CCDC141: variants seen among roughly 807,000 people sequenced by gnomAD.
CCDC141 encodes coiled-coil domain-containing protein 141.
CCDC141 carries 168 observed loss-of-function variants against 181.0 expected under a neutral mutation model. That is an observed-to-expected ratio of 0.93 (90% CI 0.82 to 1.05). The LOEUF (loss-of-function observed/expected upper bound fraction) is 1.05, where lower values mean the gene tolerates loss of function less well. Ranked by LOEUF, CCDC141 falls within the 50% of genes least tolerant of loss-of-function variation. The pLI is 0.00. For synonymous variants in CCDC141, 666 were observed against 642.3 expected (o/e 1.04, Z -0.56); for missense variants, 1,902 against 1,788.5 (o/e 1.06, Z -1.14).
At chr2:179,037,315 G>T (rs2043171562) in intron 2 of CCDC141, among the ~76,000 whole-genome samples, 1 of 152,132 alleles carries the variant, frequency 6.6e-6, no homozygotes, top group South Asian at 2.1e-4. Flanking sequence ...TGAAGGCGTG[G>T]GTCAACAGGA....
intron 20 of CCDC141, among the ~76,000 whole-genome samples, chr2:178,852,656 G>T (rs759710939): frequency 1.3e-5 from 2 of 152,184 alleles, no homozygotes; most frequent in Non-Finnish European, 2.9e-5. Flanking sequence ...GCAGCCATGG[G>T]CAGGCAAATT....
intron 2 of CCDC141, among the ~76,000 whole-genome samples, chr2:178,980,188 G>C (rs1453389318): frequency 6.6e-6 from 1 of 152,152 alleles, no homozygotes; most frequent in Non-Finnish European, 1.5e-5. Context: ...CATTCCTGTA[G>C]AGAAACATCA....
intron 2 of CCDC141, among the ~76,000 whole-genome samples, chr2:179,027,077 T>C (rs968122359): frequency 3.9e-5 from 6 of 152,194 alleles, no homozygotes; most frequent in African/African-American, 1.4e-4. Flanking sequence ...CTGTGGACTT[T>C]TGAGTTAATA....
At chr2:178,926,814 A>C (rs992466325) in intron 6 of CCDC141, 1 of 152,200 alleles carries the variant, frequency 6.6e-6, no homozygotes, top group African/African-American at 2.4e-5. Flanking sequence ...AGAAATGATA[A>C]ATGTTTGAGA....
At chr2:178,979,539 C>CT (rs1359523184) in intron 2 of CCDC141, among the ~76,000 whole-genome samples, 4 of 151,982 alleles carry the variant, frequency 2.6e-5, no homozygotes, top group Non-Finnish European at 4.4e-5. Context: ...AAGACAAACA[C>CT]TATCAGAGTG....
At chr2:179,015,904 C>T in intron 2 of CCDC141, among the ~76,000 whole-genome samples, 1 of 127,598 alleles carries the variant, frequency 7.8e-6, no homozygotes, top group South Asian at 2.6e-4. Flanking sequence ...ATATATGTAT[C>T]ATATATATCT....
rs368936238 is a variant in CCDC141, at chr2:178,872,115, C to G, written c.2079+18G>C. 4 of 1,610,456 alleles carry G rather than the reference C, an allele frequency of 2.5e-6. No individual in the cohort carries two copies. In the African/African-American group the frequency reaches 5.3e-5, roughly 22 times the overall value. Reference sequence around the variant, plus strand: ...CGGAATTTCATTCCTTTTCACATCCCATTGTTCCTTGCCTCACCTTTTTAA... The same window carrying G: ...CGGAATTTCATTCCTTTTCACATCCGATTGTTCCTTGCCTCACCTTTTTAA... On this transcript the variant is annotated intron_variant, in intron 13 of 23. Coordinates refer to ENST00000443758, the MANE Select transcript of CCDC141 (RefSeq NM_173648.4).
At chr2:178,877,064 T>C (rs983777668) in intron 12 of CCDC141, 1 of 152,232 alleles carries the variant, frequency 6.6e-6, no homozygotes, top group Non-Finnish European at 1.5e-5. Context: ...GTGTTGCACC[T>C]GTAGTTCACT....
rs541849180 is a variant in CCDC141, at chr2:178,944,553, T to A, written c.879A>T (p.Glu293Asp). 3.3e-6 allele frequency: 5 copies of A among 1,516,896 alleles called. No individual in the cohort carries two copies. In the African/African-American group the frequency reaches 6.9e-5, roughly 21 times the overall value. 94.0% of individuals were successfully genotyped at this position (1,516,896 alleles called of 1,614,324 possible). A position where few individuals can be genotyped will look rare whatever the true frequency, so the allele number is the denominator to read the frequency against. The stretch of plus-strand genomic sequence containing the variant: ...CTCTTACCTTTGCTTTTATTATCAG[T>A]TCCTCTTGCTTATGAATTCGATCCT... Reference protein sequence around the residue: ...DNEDRIHKQEELIIKAKEWNS... With the variant: ...DNEDRIHKQEDLIIKAKEWNS... The change falls in exon 6 of 24, where the codon GAA becomes GAT. Residue 293 changes from glutamate to aspartate, a missense_variant. By Grantham distance (45) the Glu-to-Asp change is conservative (BLOSUM62 2). Transcript: ENST00000443758.
In CCDC141 at chr2:178,830,402, T is replaced by C. The variant is rs1278010301; in HGVS notation, c.*3771A>G. 6.6e-6 allele frequency: 1 copy of C among 152,168 alleles called. No homozygotes were observed. The highest frequency in any genetic ancestry group is 1.5e-5 in the Non-Finnish European group (1 of 68,020). 9.4% of individuals were successfully genotyped at this position (152,168 alleles called of 1,614,324 possible). On this transcript the variant is annotated 3_prime_UTR_variant, in exon 24 of 24. Coordinates refer to ENST00000443758, the MANE Select transcript of CCDC141 (RefSeq NM_173648.4). ...TGAGAGATTTTCATGAGTGCTTCAT[T>C]GTTAGGGCCTGATTCGGATTGACTC...
intron 16 of CCDC141, 133 bp from the exon 17 acceptor site, chr2:178,866,049 C>T: frequency 1.5e-6 from 1 of 651,508 alleles, no homozygotes; most frequent in South Asian, 4.7e-5. Flanking sequence ...TTTATTTTAC[C>T]TTAAACATAT....
Position 178,833,955 on chromosome 2 carries a change from T to C in CCDC141, c.*218A>G. Reference sequence around the variant, plus strand: ...CTGTTTCTAGAGTACAAAAATCTGTTCTTATCCACTACAGATAATTTACCA... The same window carrying C: ...CTGTTTCTAGAGTACAAAAATCTGTCCTTATCCACTACAGATAATTTACCA... On this transcript the variant is annotated 3_prime_UTR_variant, in exon 24 of 24. Transcript: ENST00000443758. 1 of 541,654 alleles carries C rather than the reference T, an allele frequency of 1.8e-6. No homozygotes were observed. Among genetic ancestry groups the C allele is most frequent in the Non-Finnish European group, 3.3e-6 (1 of 305,932 alleles). 33.6% of individuals were successfully genotyped at this position (541,654 alleles called of 1,614,324 possible).
At chr2:178,842,049 A>G (rs1349800391) in intron 22 of CCDC141, among the ~76,000 whole-genome samples, 3 of 151,814 alleles carry the variant, frequency 2.0e-5, no homozygotes, top group Non-Finnish European at 4.4e-5. Context: ...TTTTTTCACC[A>G]TAAAACCATG....
chr2:178,822,113 TG>T, the CCDC141 span, among the ~76,000 whole-genome samples: 1 of 151,944 alleles, frequency 6.6e-6, no homozygotes, highest in Admixed American at 6.6e-5. Flanking sequence ...TGTAGGGACA[TG>T]GATGAAGCTG....
At chr2:178,877,774 A>G in intron 12 of CCDC141, 190 bp downstream of exon 12, 2 of 646,132 alleles carry the variant, frequency 3.1e-6, no homozygotes, top group Non-Finnish European at 2.7e-6. Context: ...CCTGTTATAA[A>G]CTAACCAAAG....
rs1274021613 is a variant in CCDC141, at chr2:178,878,539, G to A, written c.1720-396C>T. Among the ~76,000 whole-genome samples the A allele has an allele frequency of 2.8e-5, 4 of 143,628 alleles. No homozygotes were observed. The East Asian group carries it at 6.1e-4, about 22-fold the overall frequency. 94.2% of individuals were successfully genotyped at this position (143,628 alleles called of 152,430 possible). On this transcript the variant is annotated intron_variant, in intron 11 of 23. Transcript: ENST00000443758. ...TTGCTATGTTGCCCAGGTTGGTCTC[G>A]GACTCCTGGGCTCAAGAGATCCTCC...
intron 7 of CCDC141, among the ~76,000 whole-genome samples, chr2:178,911,328 A>G (rs1688209295): frequency 6.6e-6 from 1 of 152,196 alleles, no homozygotes; most frequent in South Asian, 2.1e-4. Context: ...ATGTCCTTGT[A>G]AGGTACCAAT....
Position 178,978,575 on chromosome 2 carries a change from AGAG to A in CCDC141, c.323_325del (p.Thr108_Leu109delinsMet). 1 of 1,550,100 alleles carries A rather than the reference AGAG, an allele frequency of 6.5e-7. No homozygotes were observed. Among genetic ancestry groups the A allele is most frequent in the Non-Finnish European group, 8.7e-7 (1 of 1,146,742 alleles). ...CACCAGAGCTGCCCATGCTTCACCC[AGAG>A]TCTCGGCCATGGCATCATAGACCTG... On this transcript the variant is annotated inframe_deletion, in exon 3 of 24. Coordinates refer to ENST00000443758, the MANE Select transcript of CCDC141 (RefSeq NM_173648.4).
intron 12 of CCDC141, chr2:178,873,543 T>G (rs889668476): frequency 6.6e-6 from 1 of 152,210 alleles, no homozygotes; most frequent in Admixed American, 6.5e-5. Flanking sequence ...ATTTTGAAAC[T>G]GCAGCATGCC....
Sources: allele counts gnomAD v4.1 joint callset (sites outside exome capture counted in the v4.1 genomes callset), GRCh38; gene constraint gnomAD v4.1.1; transcripts MANE v1.5; gene names NCBI Gene and HGNC (gene_info 2026-07-23, HGNC 2026-07-21).